CCDC158: variants seen among roughly 807,000 people sequenced by gnomAD.
CCDC158 encodes the protein coiled-coil domain containing 158, also known as coiled-coil domain-containing protein 158.
CCDC158 carries 116 observed loss-of-function variants against 138.6 expected under a neutral mutation model. The ratio of observed to expected loss-of-function variants is 0.84; its 90% CI spans 0.72 to 0.98. The LOEUF (loss-of-function observed/expected upper bound fraction) is 0.98, where lower values mean the gene tolerates loss of function less well. Among genes scored for constraint, CCDC158 ranks in the 50% least tolerant of loss-of-function variants. CCDC158 has a pLI of 0.00. For synonymous variants in CCDC158, 436 were observed against 442.4 expected (o/e 0.99, Z 0.18); for missense variants, 1,265 against 1,306.1 (o/e 0.97, Z 0.48).
intron 3 of CCDC158, among the ~76,000 whole-genome samples, chr4:76,396,734 G>T (rs903987377): frequency 6.6e-6 from 1 of 151,880 alleles, no homozygotes; most frequent in African/African-American, 2.4e-5. Context: ...GTGAAACCAT[G>T]GTCTGGTCTC....
At chr4:76,414,919 A>T (rs1729573734) in intron 1 of CCDC158, among the ~76,000 whole-genome samples, 1 of 152,214 alleles carries the variant, frequency 6.6e-6, no homozygotes, top group Non-Finnish European at 1.5e-5. Context: ...GGCATTGCTG[A>T]AAAGATACCA....
At chr4:76,415,828 T>C (rs1437461565) in intron 1 of CCDC158, among the ~76,000 whole-genome samples, 1 of 152,080 alleles carries the variant, frequency 6.6e-6, no homozygotes, top group Non-Finnish European at 1.5e-5. Context: ...TGGACTGTGG[T>C]CTAGTGGTAG....
At chr4:76,379,729 A>G (rs1447650077) in intron 8 of CCDC158, among the ~76,000 whole-genome samples, 1 of 129,534 alleles carries the variant, frequency 7.7e-6, no homozygotes, top group Non-Finnish European at 1.6e-5. Flanking sequence ...TTACTTATAT[A>G]TATTCATATA....
At chr4:76,363,573 G>C (rs747194542) in intron 12 of CCDC158, among the ~76,000 whole-genome samples, 1 of 152,112 alleles carries the variant, frequency 6.6e-6, no homozygotes, top group Non-Finnish European at 1.5e-5. Flanking sequence ...TGCTCCTTGT[G>C]CTCCTGAGCA....
intron 18 of CCDC158, among the ~76,000 whole-genome samples, chr4:76,342,358 G>A (rs1452859612): frequency 1.3e-5 from 2 of 152,144 alleles, no homozygotes; most frequent in East Asian, 1.9e-4. Context: ...TCTTTTTGCT[G>A]TGTAAACCAT....
intron 9 of CCDC158, among the ~76,000 whole-genome samples, chr4:76,373,650 A>C (rs1398021): frequency 0.029 from 4,474 of 152,234 alleles, 221 homozygotes; most frequent in African/African-American, 0.1. Flanking sequence ...AATAATCATA[A>C]GGAATAGAAG....
Position 76,396,439 on chromosome 4 carries a change from C to T in CCDC158, c.118G>A (p.Glu40Lys), listed in dbSNP as rs768745875. 6.2e-7 allele frequency: 1 copy of T among 1,613,850 alleles called. No homozygotes were observed. Among genetic ancestry groups the T allele is most frequent in the East Asian group, 2.2e-5 (1 of 44,842 alleles). ...AAAGTCCCAGCTGAAGATGTGTTTT[C>T]AATTATTGTACCACGAATAGATGAC... ...FVSSIRGTII[E>K]NTSSAGTLTQ... is the part of the protein sequence containing the mutation. Residue 40 changes from glutamate (E) to lysine (K), a missense_variant, in exon 4 of 25, where the codon GAA becomes AAA. Glu to Lys is a moderately conservative substitution (Grantham distance 56). Coordinates refer to ENST00000682701, the MANE Select transcript of CCDC158 (RefSeq NM_001394954.1).
intron 4 of CCDC158, among the ~76,000 whole-genome samples, chr4:76,387,335 A>T (rs1680689995): frequency 6.6e-6 from 1 of 152,144 alleles, no homozygotes; most frequent in South Asian, 2.1e-4. Flanking sequence ...CCAAAAGGGA[A>T]CCCATTGCCT....
intron 13 of CCDC158, 78 bp downstream of exon 13, chr4:76,362,048 G>A: frequency 8.8e-7 from 1 of 1,136,930 alleles, no homozygotes; most frequent in Non-Finnish European, 1.3e-6. Context: ...CCCTTCTTTT[G>A]CAATTGTGCT....
At chr4:76,339,780 C>A (rs1161474197) in intron 18 of CCDC158, among the ~76,000 whole-genome samples, 1 of 152,186 alleles carries the variant, frequency 6.6e-6, no homozygotes, top group Non-Finnish European at 1.5e-5. Context: ...TAGAGAGATG[C>A]TGGCTAGCTG....
intron 2 of CCDC158, among the ~76,000 whole-genome samples, chr4:76,411,824 C>T (rs182829638): frequency 3.2e-4 from 49 of 151,626 alleles, no homozygotes; most frequent in Admixed American, 3.9e-4. Context: ...TAAATCTAAG[C>T]GCCACACACC....
rs567070156 is a variant in CCDC158, at chr4:76,409,769, T to G, written c.-74+2321A>C. Among the ~76,000 whole-genome samples the G allele has an allele frequency of 2.0e-5, 3 of 152,146 alleles. No individual in the cohort carries two copies. In the East Asian group the frequency reaches 5.8e-4, roughly 29 times the overall value. On this transcript the variant is annotated intron_variant, in intron 2 of 24. Transcript: ENST00000682701. ...TGGCGTGAACCCGGGAGGTGGAGCT[T>G]GCAGTGAGCGGAGATCACGCCACTG... is the stretch of plus-strand genomic sequence containing the variant.
At chr4:76,348,499 C>T (rs1444460393) in intron 18 of CCDC158, among the ~76,000 whole-genome samples, 1 of 149,826 alleles carries the variant, frequency 6.7e-6, no homozygotes, top group African/African-American at 2.4e-5. Flanking sequence ...CCTTATGACC[C>T]AATCACCTCC....
In CCDC158 at chr4:76,359,092, C is replaced by T. The variant is rs573053997; in HGVS notation, c.2021-1566G>A. ...GTTGTTTGAAAGTGTGTAGCACCTCCCTCTTCTCTCTCTCTCTCTCTCTCT... is the reference window on the plus strand; with the variant it reads ...GTTGTTTGAAAGTGTGTAGCACCTCTCTCTTCTCTCTCTCTCTCTCTCTCT... On this transcript the variant is annotated intron_variant, in intron 13 of 24. Transcript: ENST00000682701. Among the ~76,000 whole-genome samples, 48 of 150,916 alleles carry T rather than the reference C, an allele frequency of 3.2e-4. 1 individual carries two copies. Among genetic ancestry groups the T allele is most frequent in the Middle Eastern group, 3.4e-3 (1 of 292 alleles).
At chr4:76,355,618 T>C (rs1723473184) in intron 14 of CCDC158, among the ~76,000 whole-genome samples, 182 bp from the exon 15 acceptor site, 1 of 152,168 alleles carries the variant, frequency 6.6e-6, no homozygotes, top group African/African-American at 2.4e-5. Context: ...ATAATAACTT[T>C]TAACTACTAC....
rs564107294 is a variant in CCDC158, at chr4:76,393,930, T to A, written c.288+2339A>T. Among the ~76,000 whole-genome samples, 6 of 152,230 alleles carry A rather than the reference T, an allele frequency of 3.9e-5. No individual in the cohort carries two copies. In the South Asian group the frequency reaches 1.2e-3, roughly 32 times the overall value. The stretch of plus-strand genomic sequence containing the variant: ...AATGCAAATCTGAACTACAATGAGA[T>A]ATCAACTCACCCCAGTTAAAATGGT... On this transcript the variant is annotated intron_variant, in intron 4 of 24. Transcript: ENST00000682701.
In CCDC158 at chr4:76,369,429, C is replaced by A; in HGVS notation, c.1344G>T (p.Arg448=). 1 of 1,613,906 alleles carries A rather than the reference C, an allele frequency of 6.2e-7. No individual in the cohort carries two copies. The highest frequency in any genetic ancestry group is 8.5e-7 in the Non-Finnish European group (1 of 1,179,990). The change falls in exon 11 of 25, where the codon CGG becomes CGT. Residue 448 remains arginine, a synonymous_variant. Transcript: ENST00000682701. Reference sequence around the variant, plus strand: ...CACAGCCTGTGCAGGCACTGACCTGCCGCTCCATCTGGCCCTGACACTCGC... The same window carrying A: ...CACAGCCTGTGCAGGCACTGACCTGACGCTCCATCTGGCCCTGACACTCGC... ...LKSECQGQME[R]QMAAIQGKNE...
At chr4:76,361,405 A>G (rs533771421) in intron 13 of CCDC158, among the ~76,000 whole-genome samples, 190 of 152,194 alleles carry the variant, frequency 1.2e-3, no homozygotes, top group African/African-American at 4.5e-3. Context: ...TACTAAAAAT[A>G]CAAAAAATTA....
chr4:76,322,295 A>G (rs1451588270), intron 24 of CCDC158, among the ~76,000 whole-genome samples: 1 of 151,996 alleles, frequency 6.6e-6, no homozygotes, highest in Non-Finnish European at 1.5e-5. Context: ...TATTAAAAAC[A>G]TGTGGATTTT....
Sources: allele counts gnomAD v4.1 joint callset (sites outside exome capture counted in the v4.1 genomes callset), GRCh38; gene constraint gnomAD v4.1.1; transcripts MANE v1.5; gene names NCBI Gene and HGNC (gene_info 2026-07-23, HGNC 2026-07-21).